The following PLA2G10 variants were observed in gnomAD, a reference collection of about 807,000 sequenced individuals.
The protein encoded by PLA2G10 is group 10 secretory phospholipase A2.
PLA2G10 carries 9 observed loss-of-function variants against 7.9 expected under a neutral mutation model. The observed-to-expected ratio is 1.14, with a 90% CI of 0.68 to 1.98. The LOEUF (loss-of-function observed/expected upper bound fraction) is 1.98. PLA2G10 is among the 30% of genes most tolerant of loss of function. The pLI is 0.00. For missense variants in PLA2G10, 53 were observed against 65.4 expected, an observed-to-expected ratio of 0.81 and a Z score of 0.66; for synonymous variants, 19 against 27.5, an observed-to-expected ratio of 0.69 and a Z score of 0.97.
chr16:14,679,149 C>A (rs759728659), intron 3 of PLA2G10, among the ~76,000 whole-genome samples: 4 of 152,180 alleles, frequency 2.6e-5, no homozygotes, highest in Non-Finnish European at 5.9e-5. Context: ...GGGCAAAATT[C>A]TCACAACCTA....
chr16:14,677,213 G>A (rs1408449923), intron 3 of PLA2G10, among the ~76,000 whole-genome samples: 1 of 152,150 alleles, frequency 6.6e-6, no homozygotes, highest in African/African-American at 2.4e-5. Flanking sequence ...CAAATGAATG[G>A]TTGAATGAAT....
At position 14,672,753 on chromosome 16, in the gene PLA2G10, G is replaced by A. The variant is rs776282626; in HGVS notation, c.356-4C>T. On this transcript the variant is annotated splice_polypyrimidine_tract_variant and splice_region_variant and intron_variant, in intron 3 of 3. Transcript: ENST00000438167. ...TGGCATTTGTTCTCTGCCGGTCCTG[G>A]AAGAAGTGGGGAAACTGAGATTAGA... The A allele has an allele frequency of 2.0e-5, 32 of 1,613,688 alleles. No homozygotes were observed. In the East Asian group the frequency reaches 6.5e-4, roughly 33 times the overall value.
chr16:14,681,151 G>A (rs926092461), intron 3 of PLA2G10, among the ~76,000 whole-genome samples: 1 of 149,302 alleles, frequency 6.7e-6, no homozygotes, highest in Non-Finnish European at 1.5e-5. Flanking sequence ...GCAACAGAGT[G>A]AGACTCTATC....
At chr16:14,686,180 G>C (rs1016961341) in intron 3 of PLA2G10, among the ~76,000 whole-genome samples, 1 of 151,830 alleles carries the variant, frequency 6.6e-6, no homozygotes, top group African/African-American at 2.4e-5. Flanking sequence ...TATTTGTAGA[G>C]ATAGGGTTTC....
At chr16:14,672,788 T>G (rs944764933) in intron 3 of PLA2G10, 39 bp from the exon 4 acceptor site, 1 of 1,605,518 alleles carries the variant, frequency 6.2e-7, no homozygotes, top group Middle Eastern at 1.7e-4. Flanking sequence ...AGCAGGGACC[T>G]GGAGAGACTC....
chr16:14,679,475 C>A (rs1385083769), intron 3 of PLA2G10, among the ~76,000 whole-genome samples: 4 of 151,988 alleles, frequency 2.6e-5, no homozygotes, highest in South Asian at 4.2e-4. Context: ...GCCTGGCCAA[C>A]ATAGAGAAAA....
intron 3 of PLA2G10, among the ~76,000 whole-genome samples, chr16:14,686,398 A>C (rs1006384030): frequency 2.0e-5 from 3 of 152,126 alleles, no homozygotes; most frequent in East Asian, 3.9e-4. Flanking sequence ...CCTTATCTGC[A>C]TTCTCCCTGT....
chr16:14,681,222 G>A (rs890181917), intron 3 of PLA2G10, among the ~76,000 whole-genome samples: 4 of 151,336 alleles, frequency 2.6e-5, no homozygotes, highest in Non-Finnish European at 5.9e-5. Flanking sequence ...AGAGAGGAGG[G>A]GAGAGGAGGG....
At chr16:14,673,581 C>A (rs1220563018) in intron 3 of PLA2G10, among the ~76,000 whole-genome samples, 1 of 151,692 alleles carries the variant, frequency 6.6e-6, no homozygotes, top group Admixed American at 6.6e-5. Context: ...TATTGCCAGG[C>A]TGGTCTTGAA....
intron 3 of PLA2G10, among the ~76,000 whole-genome samples, chr16:14,674,270 T>A (rs1394465863): frequency 6.6e-6 from 1 of 152,228 alleles, no homozygotes; most frequent in Non-Finnish European, 1.5e-5. Context: ...CCCATGCTCA[T>A]GGATTGGAAG....
intron 3 of PLA2G10, among the ~76,000 whole-genome samples, chr16:14,685,370 CAAA>C (rs1237588588): frequency 7.9e-5 from 5 of 62,902 alleles, no homozygotes; most frequent in African/African-American, 6.2e-5. Flanking sequence ...GATTTCGTGT[CAAA>C]AAAAAAAAAA....
chr16:14,674,031 A>C (rs904440155), intron 3 of PLA2G10, among the ~76,000 whole-genome samples: 1 of 152,178 alleles, frequency 6.6e-6, no homozygotes, highest in Non-Finnish European at 1.5e-5. Flanking sequence ...AATGAATTCA[A>C]TAAAGTCTCA....
intron 3 of PLA2G10, among the ~76,000 whole-genome samples, chr16:14,679,816 A>G (rs1046573018): frequency 2.0e-5 from 3 of 151,974 alleles, no homozygotes; most frequent in African/African-American, 7.2e-5. Context: ...ATGCCACTGC[A>G]CCCAGCCTGG....
rs550257358 is a variant in PLA2G10 at position 14,678,497 on chromosome 16, G to A, written c.356-5748C>T. On this transcript the variant is annotated intron_variant, in intron 3 of 3. Transcript: ENST00000438167. ...TAAAATACATATCAAGGCCGAGTGT[G>A]GTGGCTCACGCCTGTAATCCCAACA... 3.5e-4 allele frequency: 80 copies of A among 229,672 alleles called. 1 individual carries two copies. In the South Asian group the frequency reaches 3.6e-3, roughly 10 times the overall value. 14.2% of individuals were successfully genotyped at this position (229,672 alleles called of 1,614,324 possible). A position where few individuals can be genotyped will look rare whatever the true frequency, so the allele number is the denominator to read the frequency against.
chr16:14,677,008 T>G (rs893728560), intron 3 of PLA2G10, among the ~76,000 whole-genome samples: 1 of 152,154 alleles, frequency 6.6e-6, no homozygotes, highest in Non-Finnish European at 1.5e-5. Flanking sequence ...TTGGGTACAA[T>G]GTAGACTACT....
chr16:14,680,627 G>A (rs1249898028), intron 3 of PLA2G10, among the ~76,000 whole-genome samples: 1 of 152,092 alleles, frequency 6.6e-6, no homozygotes, highest in African/African-American at 2.4e-5. Context: ...CTCCCAAAGT[G>A]TTGGGATTAC....
intron 3 of PLA2G10, among the ~76,000 whole-genome samples, chr16:14,678,299 C>G (rs1960782368): frequency 6.6e-6 from 1 of 152,196 alleles, no homozygotes; most frequent in African/African-American, 2.4e-5. Flanking sequence ...GCAACTCCTG[C>G]AGTTCCATCC....
At chr16:14,687,412 T>C (rs1489744906) in intron 3 of PLA2G10, among the ~76,000 whole-genome samples, 3 of 150,032 alleles carry the variant, frequency 2.0e-5, no homozygotes, top group African/African-American at 7.4e-5. Flanking sequence ...CACTGCAGCC[T>C]CAACCTCCTG....
chr16:14,679,311 A>T (rs976589746), intron 3 of PLA2G10, among the ~76,000 whole-genome samples: 12 of 152,026 alleles, frequency 7.9e-5, no homozygotes, highest in Non-Finnish European at 1.8e-4. Flanking sequence ...AGTCAGAAGG[A>T]TTGCTTGAGG....
Sources: allele counts gnomAD v4.1 joint callset (sites outside exome capture counted in the v4.1 genomes callset), GRCh38; gene constraint gnomAD v4.1.1; transcripts MANE v1.5; gene names NCBI Gene and HGNC (gene_info 2026-07-23, HGNC 2026-07-21).